The following TBX18 variants were observed in gnomAD, a reference collection of about 807,000 sequenced individuals.
TBX18 encodes T-box transcription factor 18.
A neutral mutation model predicts 55.0 loss-of-function variants in TBX18; 21 were observed. The ratio of observed to expected loss-of-function variants is 0.38; its 90% CI spans 0.27 to 0.55. The LOEUF (loss-of-function observed/expected upper bound fraction) is 0.55, where lower values mean the gene tolerates loss of function less well. Among genes scored for constraint, TBX18 ranks in the 20% least tolerant of loss-of-function variants. TBX18 has a pLI of 0.73. For synonymous variants in TBX18, 342 were observed against 326.1 expected (o/e 1.05, Z -0.53); for missense variants, 840 against 799.6 (o/e 1.05, Z -0.61).
chr6:84,759,589 C>G (rs548924732), intron 3 of TBX18, among the ~76,000 whole-genome samples: 1 of 150,034 alleles, frequency 6.7e-6, no homozygotes, highest in Admixed American at 6.6e-5. Context: ...AACTGAAGAA[C>G]GTGTATATTT....
At chr6:84,741,559 G>A (rs1767049212) in intron 6 of TBX18, 1 of 152,184 alleles carries the variant, frequency 6.6e-6, no homozygotes, top group African/African-American at 2.4e-5. Context: ...TAAATAGCCA[G>A]AAAAGGATAA....
rs1267371698 is a variant in TBX18 at position 84,737,614 on chromosome 6, C to G, written c.1100-205G>C. 3.2e-4 allele frequency among the ~76,000 whole-genome samples: 49 copies of G among 152,126 alleles called. 1 individual carries two copies. The highest frequency in any genetic ancestry group is 1.5e-5 in the Non-Finnish European group (1 of 68,026). ...AGAAAACAAGTTGTTGAATCACATG[C>G]TAATACAAGAGCAGAGGTCCAACAA... On this transcript the variant is annotated intron_variant, in intron 7 of 7. Coordinates refer to ENST00000369663, the MANE Select transcript of TBX18 (RefSeq NM_001080508.3).
chr6:84,764,489 T>G lies in TBX18; in HGVS notation c.-308A>C, dbSNP rs1177550313. The G allele has an allele frequency of 2.7e-6, 1 of 365,758 alleles. No homozygotes were observed. Among genetic ancestry groups the G allele is most frequent in the Non-Finnish European group, 4.9e-6 (1 of 205,696 alleles). The allele number at this position is 365,758 out of a possible 1,614,324, so 22.7% of individuals were successfully genotyped here. On this transcript the variant is annotated 5_prime_UTR_variant, in exon 1 of 8. Transcript: ENST00000369663. ...CTGCTCCGAGGTCTGCCTCAACTGA[T>G]GCGCCAGAGAGGACTAACATGGGTA...
Position 84,736,663 on chromosome 6 carries a change from G to A in TBX18, c.*22C>T. On this transcript the variant is annotated 3_prime_UTR_variant, in exon 8 of 8. Coordinates refer to ENST00000369663, the MANE Select transcript of TBX18 (RefSeq NM_001080508.3). ...GAAAATATGTTAGACAGATCCAAAT[G>A]TCATTTAACTTAAAGGCTTCATCAG... The A allele has an allele frequency of 6.7e-7, 1 of 1,503,276 alleles. No homozygotes were observed. The highest frequency in any genetic ancestry group is 8.9e-7 in the Non-Finnish European group (1 of 1,127,740). 93.1% of individuals were successfully genotyped at this position (1,503,276 alleles called of 1,614,324 possible).
intron 4 of TBX18, among the ~76,000 whole-genome samples, chr6:84,750,152 G>A (rs1767305948): frequency 1.3e-5 from 2 of 152,042 alleles, no homozygotes; most frequent in Admixed American, 1.3e-4. Flanking sequence ...GGGCGTGGTG[G>A]CACATGCCTG....
rs1375986190 is a variant in TBX18, at chr6:84,733,877, T to C, written c.*2808A>G. The C allele has an allele frequency of 6.6e-6, 1 of 152,148 alleles. No individual in the cohort carries two copies. Among genetic ancestry groups the C allele is most frequent in the Non-Finnish European group, 1.5e-5 (1 of 68,022 alleles). 9.4% of individuals were successfully genotyped at this position (152,148 alleles called of 1,614,324 possible). ...AGAGTGAGTATGATCCTTCCTTATA[T>C]AGGTTACACTGTGCCCCAACCTTCT... On this transcript the variant is annotated 3_prime_UTR_variant, in exon 8 of 8. Coordinates refer to ENST00000369663, the MANE Select transcript of TBX18 (RefSeq NM_001080508.3).
intron 1 of TBX18, 127 bp from the exon 2 acceptor site, chr6:84,762,875 C>T: frequency 1.2e-6 from 1 of 857,420 alleles, no homozygotes; most frequent in Non-Finnish European, 1.9e-6. Flanking sequence ...GCTTTGGTGC[C>T]ATCAGGTCCT....
Position 84,733,148 on chromosome 6 carries a change from T to C in TBX18, c.*3537A>G, listed in dbSNP as rs1009174084. On this transcript the variant is annotated 3_prime_UTR_variant, in exon 8 of 8. Transcript: ENST00000369663. ...CACATTATTTGAAAATATATCAGCATGTAGAGGGATACTAAGTTTATATAT... is the reference window on the plus strand; with the variant it reads ...CACATTATTTGAAAATATATCAGCACGTAGAGGGATACTAAGTTTATATAT... The C allele has an allele frequency of 3.9e-5, 6 of 152,334 alleles. No individual in the cohort carries two copies. Among genetic ancestry groups the C allele is most frequent in the Admixed American group, 2.0e-4 (3 of 15,294 alleles). The allele number at this position is 152,334 out of a possible 1,614,324, so 9.4% of individuals were successfully genotyped here.
intron 3 of TBX18, among the ~76,000 whole-genome samples, chr6:84,758,553 A>G (rs1030800744): frequency 8.5e-5 from 13 of 152,202 alleles, no homozygotes; most frequent in African/African-American, 2.9e-4. Context: ...TTGATTAAAT[A>G]CCACTCAAAC....
In TBX18 at chr6:84,760,324, G is replaced by A; in HGVS notation, c.530C>T (p.Ser177Phe). The A allele has an allele frequency of 6.2e-7, 1 of 1,606,470 alleles. No homozygotes were observed. The highest frequency in any genetic ancestry group is 8.5e-7 in the Non-Finnish European group (1 of 1,175,570). Reference sequence around the variant, plus strand: ...ATATTGCTGGTGAGGATCTAATCCAGAGATCTTCACTCTCATTGCTGGAAA... The same window carrying A: ...ATATTGCTGGTGAGGATCTAATCCAAAGATCTTCACTCTCATTGCTGGAAA... ...RMFPAMRVKI[S>F]GLDPHQQYYI... is the part of the protein sequence containing the mutation. Residue 177 changes from serine (S) to phenylalanine (F), a missense_variant, in exon 3 of 8, where the codon TCT becomes TTT. Physicochemically the swap from Ser to Phe is radical, Grantham distance 155. Transcript: ENST00000369663.
intron 3 of TBX18, among the ~76,000 whole-genome samples, chr6:84,757,478 A>G (rs1278823514): frequency 2.0e-5 from 3 of 152,184 alleles, no homozygotes; most frequent in Admixed American, 6.5e-5. Context: ...ATTCAGTTTA[A>G]TTGGAAAATT....
chr6:84,760,571 CTG>C (rs1767622940), intron 2 of TBX18, among the ~76,000 whole-genome samples: 1 of 152,090 alleles, frequency 6.6e-6, no homozygotes, highest in African/African-American at 2.4e-5. Context: ...TACATGTGTT[CTG>C]TGTTTACTGA....
chr6:84,737,530 A>G (rs543000877), intron 7 of TBX18, 121 bp from the exon 8 acceptor site: 1 of 1,083,358 alleles, frequency 9.2e-7, no homozygotes, highest in East Asian at 2.9e-5. Flanking sequence ...TACAGAGATG[A>G]AAAGGAGATG....
chr6:84,759,715 C>G (rs887724837), intron 3 of TBX18, among the ~76,000 whole-genome samples: 19 of 151,516 alleles, frequency 1.3e-4, no homozygotes, highest in African/African-American at 4.6e-4. Flanking sequence ...AATTTATTAC[C>G]AGTTTAGTGA....
intron 6 of TBX18, chr6:84,741,211 TAAAG>T (rs1767039369): frequency 6.6e-6 from 1 of 152,164 alleles, no homozygotes; most frequent in Admixed American, 6.5e-5. Flanking sequence ...CCTGGCTAGT[TAAAG>T]AAAAGATAAA....
intron 3 of TBX18, among the ~76,000 whole-genome samples, chr6:84,757,290 T>C (rs1767519664): frequency 6.6e-6 from 1 of 152,212 alleles, no homozygotes; most frequent in South Asian, 2.1e-4. Context: ...AATGCCCCGC[T>C]TCCTTCAAGA....
rs187906606 is a variant in TBX18, at chr6:84,763,102, G to C, written c.293-354C>G. The C allele has an allele frequency of 6.7e-4, 277 of 411,596 alleles. 1 individual carries two copies. The highest frequency in any genetic ancestry group is 1.3e-3 in the Admixed American group (34 of 25,348). 25.5% of individuals were successfully genotyped at this position (411,596 alleles called of 1,614,324 possible). On this transcript the variant is annotated intron_variant, in intron 1 of 7. Coordinates refer to ENST00000369663, the MANE Select transcript of TBX18 (RefSeq NM_001080508.3). ...CTGGGACGCTTGCCCGACGGAGTCA[G>C]AGGAGCTCCCGGGTCCAGAGTCCCC...
At chr6:84,750,159 C>A (rs1767306530) in intron 4 of TBX18, among the ~76,000 whole-genome samples, 1 of 151,982 alleles carries the variant, frequency 6.6e-6, no homozygotes, top group Non-Finnish European at 1.5e-5. Flanking sequence ...GTGGCACATG[C>A]CTGTAGTCCC....
chr6:84,746,057 C>T (rs902372930), intron 5 of TBX18, among the ~76,000 whole-genome samples: 1 of 152,100 alleles, frequency 6.6e-6, no homozygotes, highest in African/African-American at 2.4e-5. Context: ...AATGTGACTG[C>T]ATGTTATCAT....
Sources: gnomAD v4.1 joint callset for allele counts (sites outside exome capture counted in the v4.1 genomes callset) on GRCh38, gnomAD v4.1.1 for gene constraint, MANE v1.5 for transcripts, NCBI Gene and HGNC (gene_info 2026-07-23, HGNC 2026-07-21) for gene names.